The following DRC11 variants were observed in gnomAD, a reference collection of about 807,000 sequenced individuals.
DRC11 encodes the protein IQ and AAA domain-containing protein 1.
chr2:236,417,991 G>C, the DRC11 span, among the ~76,000 whole-genome samples: 4 of 152,178 alleles, frequency 2.6e-5, no homozygotes, highest in Admixed American at 1.3e-4. Context: ...ATGGGCATTT[G>C]GGTTGGTTCC....
At chr2:236,350,582 C>A in the DRC11 span, among the ~76,000 whole-genome samples, 1 of 152,220 alleles carries the variant, frequency 6.6e-6, no homozygotes, top group Non-Finnish European at 1.5e-5. This position sits in a 1 kb window ranked among gnomAD's most constrained non-coding sequence, Gnocchi z 5.2. Context: ...TGAGGCAGAG[C>A]CAGGTGAGGG....
the DRC11 span, among the ~76,000 whole-genome samples, chr2:236,365,008 G>C: frequency 6.6e-6 from 1 of 152,076 alleles, no homozygotes; most frequent in East Asian, 1.9e-4. The surrounding 1 kb of genome is among the most constrained non-coding windows in gnomAD (Gnocchi z 7.4). Flanking sequence ...AGGGGCTGCG[G>C]CAATCTAATG....
At chr2:236,364,691 T>C in the DRC11 span, among the ~76,000 whole-genome samples, 6 of 152,280 alleles carry the variant, frequency 3.9e-5, no homozygotes, top group Admixed American at 1.3e-4. Flanking sequence ...AGAGCAGATA[T>C]TGGGCACAAA....
chr2:236,359,090 G>A, the DRC11 span, among the ~76,000 whole-genome samples: 10 of 152,172 alleles, frequency 6.6e-5, no homozygotes, highest in South Asian at 1.5e-3. The surrounding 1 kb of genome is among the most constrained non-coding windows in gnomAD (Gnocchi z 4.3). Flanking sequence ...AGGGCAGGGC[G>A]CAGGGAAGGA....
the DRC11 span, among the ~76,000 whole-genome samples, chr2:236,443,440 G>C: frequency 6.6e-6 from 1 of 152,110 alleles, no homozygotes; most frequent in African/African-American, 2.4e-5. The surrounding 1 kb of genome is among the most constrained non-coding windows in gnomAD (Gnocchi z 4.4). Context: ...GGTTCTCACT[G>C]TTCTCACTGT....
the DRC11 span, among the ~76,000 whole-genome samples, chr2:236,436,287 G>A: frequency 1.3e-5 from 2 of 152,078 alleles, no homozygotes; most frequent in Non-Finnish European, 2.9e-5. Flanking sequence ...TGTTGCAAAT[G>A]TTTTTCCTCA....
At chr2:236,434,254 T>G in the DRC11 span, among the ~76,000 whole-genome samples, 1 of 152,260 alleles carries the variant, frequency 6.6e-6, no homozygotes, top group Non-Finnish European at 1.5e-5. This position sits in a 1 kb window ranked among gnomAD's most constrained non-coding sequence, Gnocchi z 5.5. Context: ...TTCAATGTTA[T>G]GCTCGTTTCA....
the DRC11 span, among the ~76,000 whole-genome samples, chr2:236,383,085 C>G: frequency 1.3e-5 from 2 of 152,080 alleles, no homozygotes; most frequent in East Asian, 3.8e-4. Flanking sequence ...CTTTTGTTTT[C>G]CAGGATCCCA....
chr2:236,355,709 C>T, the DRC11 span, among the ~76,000 whole-genome samples: 1 of 150,858 alleles, frequency 6.6e-6, no homozygotes, highest in Non-Finnish European at 1.5e-5. Context: ...ATATGTATTA[C>T]ACTAATTGTA....
the DRC11 span, among the ~76,000 whole-genome samples, chr2:236,491,153 C>T: frequency 0.18 from 9,253 of 50,872 alleles, 1,007 homozygotes; most frequent in Non-Finnish European, 0.22. Flanking sequence ...TATATATATA[C>T]ACACAGTATA....
chr2:236,402,741 A>G, the DRC11 span, among the ~76,000 whole-genome samples: 1 of 152,178 alleles, frequency 6.6e-6, no homozygotes, highest in African/African-American at 2.4e-5. The surrounding 1 kb of genome is among the most constrained non-coding windows in gnomAD (Gnocchi z 6.0). Context: ...CTACGACACA[A>G]GGCTTGGGTT....
the DRC11 span, among the ~76,000 whole-genome samples, chr2:236,506,595 T>C: frequency 6.6e-6 from 1 of 152,182 alleles, no homozygotes; most frequent in Non-Finnish European, 1.5e-5. The surrounding 1 kb of genome is among the most constrained non-coding windows in gnomAD (Gnocchi z 4.9). Context: ...CACCTCTTCA[T>C]CCCCAAGTTC....
At chr2:236,459,601 A>ATGTATACGTATATACGTATATACG in the DRC11 span, among the ~76,000 whole-genome samples, 5 of 121,556 alleles carry the variant, frequency 4.1e-5, no homozygotes, top group African/African-American at 1.5e-4. Context: ...ATACGTATAC[A>ATGTATACGTATATACGTATATACG]TATATACGTA....
chr2:236,494,128 G>A, the DRC11 span, among the ~76,000 whole-genome samples: 17 of 152,182 alleles, frequency 1.1e-4, no homozygotes, highest in East Asian at 1.7e-3. This position sits in a 1 kb window ranked among gnomAD's most constrained non-coding sequence, Gnocchi z 4.2. Context: ...AGCATCAAGA[G>A]TTCACATCAA....
chr2:236,489,390 G>A, the DRC11 span, among the ~76,000 whole-genome samples: 1 of 140,186 alleles, frequency 7.1e-6, no homozygotes, highest in Non-Finnish European at 1.5e-5. Flanking sequence ...CTGGGTGCAG[G>A]TGAGGCCTGT....
At chr2:236,359,737 C>T in the DRC11 span, among the ~76,000 whole-genome samples, 2 of 152,164 alleles carry the variant, frequency 1.3e-5, no homozygotes, top group South Asian at 2.1e-4. This position sits in a 1 kb window ranked among gnomAD's most constrained non-coding sequence, Gnocchi z 4.3. Context: ...AAGCAAATAC[C>T]TCTTTGCAGT....
the DRC11 span, among the ~76,000 whole-genome samples, chr2:236,354,173 G>T: frequency 8.1e-6 from 1 of 122,848 alleles, no homozygotes; most frequent in Non-Finnish European, 1.8e-5. Context: ...GAGGGGACAT[G>T]CGTGTATGTC....
chr2:236,348,538 C>G, the DRC11 span, among the ~76,000 whole-genome samples: 1 of 144,506 alleles, frequency 6.9e-6, no homozygotes, highest in South Asian at 2.1e-4. This position sits in a 1 kb window ranked among gnomAD's most constrained non-coding sequence, Gnocchi z 7.4. Flanking sequence ...CAGAGTCTCA[C>G]AGTAGCAGGT....
the DRC11 span, among the ~76,000 whole-genome samples, chr2:236,341,905 A>ATGT: frequency 1.3e-5 from 2 of 152,092 alleles, no homozygotes; most frequent in Non-Finnish European, 2.9e-5. Flanking sequence ...TCCCTGACAT[A>ATGT]TGTATTGTGC....
Sources: allele counts gnomAD v4.1 joint callset (sites outside exome capture counted in the v4.1 genomes callset), GRCh38; gene constraint gnomAD v4.1.1; non-coding constraint Gnocchi (gnomAD v3.1); transcripts MANE v1.5; gene names NCBI Gene and HGNC (gene_info 2026-07-23, HGNC 2026-07-21).